TRMT11: variants seen among roughly 807,000 people sequenced by gnomAD.
TRMT11 encodes the protein tRNA methyltransferase 11, also known as tRNA (guanine(10)-N(2))-methyltransferase TRMT11.
Under a neutral mutation model 62.8 loss-of-function variants are expected in TRMT11, and 53 were observed. The observed-to-expected ratio is 0.84, with a 90% CI of 0.68 to 1.06. The LOEUF is 1.06. Among genes scored for constraint, TRMT11 ranks in the 50% least tolerant of loss-of-function variants. The pLI, the probability that TRMT11 is intolerant of heterozygous loss-of-function variation, is 0.00. For missense variants in TRMT11, 556 were observed against 553.4 expected, an observed-to-expected ratio of 1.00 and a Z score of -0.05; for synonymous variants, 188 against 190.3, an observed-to-expected ratio of 0.99 and a Z score of 0.10.
the TRMT11 span, chr6:126,258,136 C>T: frequency 5.0e-6 from 4 of 798,010 alleles, no homozygotes; most frequent in African/African-American, 1.7e-5. Context: ...GTCAGCTGCT[C>T]CATGATCCAC....
intron 17 of TRMT11, among the ~76,000 whole-genome samples, chr6:126,070,677 A>T (rs1380204294): frequency 6.6e-6 from 1 of 152,224 alleles, no homozygotes; most frequent in Non-Finnish European, 1.5e-5. Flanking sequence ...ACCATCCTAC[A>T]TAAACCAAAT....
Position 126,011,434 on chromosome 6 carries a change from A to G in TRMT11, c.925+17A>G, listed in dbSNP as rs971234736. On this transcript the variant is annotated intron_variant, in intron 9 of 12. Coordinates refer to ENST00000334379, the MANE Select transcript of TRMT11 (RefSeq NM_001031712.3). ...TTACTGATCGTAAGTTTATTTTTAT[A>G]CAAAAGTAGGAGTAGGATTCGTTTT... 6.2e-7 allele frequency: 1 copy of G among 1,600,224 alleles called. No homozygotes were observed. The highest frequency in any genetic ancestry group is 1.7e-5 in the Admixed American group (1 of 58,280).
At chr6:126,071,815 C>T (rs1477969568) in intron 17 of TRMT11, among the ~76,000 whole-genome samples, 1 of 152,138 alleles carries the variant, frequency 6.6e-6, no homozygotes, top group Non-Finnish European at 1.5e-5. Flanking sequence ...TCCTCCATGT[C>T]ATGGTATATC....
At chr6:126,120,478 T>C (rs1777637032) in intron 21 of TRMT11, among the ~76,000 whole-genome samples, 1 of 152,154 alleles carries the variant, frequency 6.6e-6, no homozygotes, top group African/African-American at 2.4e-5. Context: ...CAAATGTTTG[T>C]GTCAACGTTA....
At chr6:126,113,111 A>G (rs1206033310) in intron 18 of TRMT11, among the ~76,000 whole-genome samples, 1 of 152,056 alleles carries the variant, frequency 6.6e-6, no homozygotes, top group Admixed American at 6.6e-5. Flanking sequence ...TAAGCAAACA[A>G]CCATGATACA....
At chr6:126,183,910 T>C (rs1035608265) in intron 1 of TRMT11, among the ~76,000 whole-genome samples, 4 of 152,174 alleles carry the variant, frequency 2.6e-5, no homozygotes, top group Admixed American at 1.3e-4. Context: ...GAGTCGCAGC[T>C]CTAGCTGTAT....
the TRMT11 span, among the ~76,000 whole-genome samples, chr6:126,266,646 G>T: frequency 6.6e-6 from 1 of 152,070 alleles, no homozygotes; most frequent in Non-Finnish European, 1.5e-5. Flanking sequence ...CACAAATGAG[G>T]TGCAAAACCT....
intron 1 of TRMT11, among the ~76,000 whole-genome samples, chr6:126,185,854 G>A (rs562421627): frequency 1.3e-5 from 2 of 152,210 alleles, no homozygotes; most frequent in East Asian, 3.9e-4. Context: ...TGTAAGCAGG[G>A]TAAATGCCAG....
At chr6:126,154,446 G>T (rs1778095140) in intron 21 of TRMT11, among the ~76,000 whole-genome samples, 1 of 151,896 alleles carries the variant, frequency 6.6e-6, no homozygotes, top group Non-Finnish European at 1.5e-5. Context: ...TTTTACTGTA[G>T]CACGTAGAAA....
At chr6:126,201,309 C>T (rs1482012264) in intron 3 of TRMT11, among the ~76,000 whole-genome samples, 2 of 152,208 alleles carry the variant, frequency 1.3e-5, no homozygotes, top group African/African-American at 2.4e-5. Context: ...AAAATTGACA[C>T]AGATTTAATT....
At chr6:126,086,546 G>A (rs1014040813) in intron 17 of TRMT11, among the ~76,000 whole-genome samples, 1 of 152,108 alleles carries the variant, frequency 6.6e-6, no homozygotes, top group Non-Finnish European at 1.5e-5. Flanking sequence ...GCAGATTGCT[G>A]TGTCTACCTC....
At chr6:126,237,807 G>T in the TRMT11 span, among the ~76,000 whole-genome samples, 5 of 152,248 alleles carry the variant, frequency 3.3e-5, no homozygotes, top group East Asian at 7.7e-4. Flanking sequence ...TTCTAAAAGG[G>T]TCAGAAGAAT....
intron 1 of TRMT11, among the ~76,000 whole-genome samples, chr6:126,183,361 A>C (rs1778489425): frequency 6.6e-6 from 1 of 152,166 alleles, no homozygotes; most frequent in East Asian, 1.9e-4. Context: ...TTCTGTAATA[A>C]GGCCCAGATG....
chr6:126,222,816 G>A, the TRMT11 span, among the ~76,000 whole-genome samples: 1 of 151,912 alleles, frequency 6.6e-6, no homozygotes, highest in African/African-American at 2.4e-5. Context: ...CATTTAGCCT[G>A]TTTACATTCA....
the TRMT11 span, among the ~76,000 whole-genome samples, chr6:126,268,147 A>G: frequency 3.9e-5 from 6 of 152,188 alleles, no homozygotes; most frequent in African/African-American, 1.4e-4. Flanking sequence ...TCACAAATAC[A>G]CAGCACGTCC....
chr6:126,103,314 A>G (rs1777424159), intron 17 of TRMT11, among the ~76,000 whole-genome samples: 1 of 152,206 alleles, frequency 6.6e-6, no homozygotes, highest in African/African-American at 2.4e-5. Flanking sequence ...ATTAAAAGTG[A>G]GTCTTTTATA....
At chr6:126,151,948 C>CTTTCTTTTTCTTTCTTTCT (rs1562335009) in intron 21 of TRMT11, among the ~76,000 whole-genome samples, 1 of 71,410 alleles carries the variant, frequency 1.4e-5, no homozygotes, top group African/African-American at 5.8e-5. Context: ...TCTTTCTTTT[C>CTTTCTTTTTCTTTCTTTCT]TTTCTTTCTT....
intron 21 of TRMT11, among the ~76,000 whole-genome samples, chr6:126,156,250 G>A (rs946464105): frequency 4.6e-5 from 7 of 152,122 alleles, no homozygotes; most frequent in African/African-American, 1.2e-4. Flanking sequence ...ACTATTCTCC[G>A]GTCTGAGGGG....
chr6:126,224,388 T>G, the TRMT11 span, among the ~76,000 whole-genome samples: 3 of 152,192 alleles, frequency 2.0e-5, no homozygotes, highest in African/African-American at 7.2e-5. Context: ...TCTGGTAGCT[T>G]TGTTTCTGGA....
Sources: allele counts gnomAD v4.1 joint callset (sites outside exome capture counted in the v4.1 genomes callset), GRCh38; gene constraint gnomAD v4.1.1; transcripts MANE v1.5; gene names NCBI Gene and HGNC (gene_info 2026-07-23, HGNC 2026-07-21).